SLC24A2: variants seen among roughly 807,000 people sequenced by gnomAD.
The protein encoded by SLC24A2 is solute carrier family 24 member 2.
Under a neutral mutation model 62.0 loss-of-function variants are expected in SLC24A2, and 36 were observed. That is an observed-to-expected ratio of 0.58 (90% confidence interval 0.44 to 0.77). The LOEUF is 0.77. Ranked by LOEUF, SLC24A2 falls within the 30% of genes least tolerant of loss-of-function variation. SLC24A2 has a pLI of 0.00. For synonymous variants in SLC24A2, 358 were observed against 294.0 expected (o/e 1.22, Z -2.23); for missense variants, 846 against 817.9 (o/e 1.03, Z -0.42).
At chr9:19,521,274 A>ATG (rs1268258927) in intron 9 of SLC24A2, among the ~76,000 whole-genome samples, 1 of 152,228 alleles carries the variant, frequency 6.6e-6, no homozygotes, top group Non-Finnish European at 1.5e-5. Context: ...TCACATGAAA[A>ATG]TTAAACAGAT....
intron 2 of SLC24A2, among the ~76,000 whole-genome samples, chr9:19,697,532 GTTCT>G (rs1353965559): frequency 1.3e-5 from 2 of 152,090 alleles, no homozygotes; most frequent in East Asian, 3.8e-4. Context: ...AAAAGTATCT[GTTCT>G]TTTTAATTGC....
chr9:19,594,619 G>T (rs1276551902), intron 5 of SLC24A2, among the ~76,000 whole-genome samples: 1 of 152,180 alleles, frequency 6.6e-6, no homozygotes, highest in African/African-American at 2.4e-5. Flanking sequence ...ACAAAGCCCT[G>T]CTCAAAAGCT....
the SLC24A2 span, among the ~76,000 whole-genome samples, chr9:20,307,026 C>T: frequency 2.7e-4 from 41 of 152,302 alleles, no homozygotes; most frequent in South Asian, 8.5e-3. Context: ...ACCCTCACAA[C>T]TTCTACCATA....
the SLC24A2 span, among the ~76,000 whole-genome samples, chr9:20,149,917 G>C: frequency 6.6e-6 from 1 of 152,032 alleles, no homozygotes; most frequent in African/African-American, 2.4e-5. Context: ...ACGGGTGATA[G>C]TCATTAGTGC....
the SLC24A2 span, among the ~76,000 whole-genome samples, chr9:20,004,596 A>G: frequency 6.6e-6 from 1 of 152,224 alleles, no homozygotes; most frequent in Non-Finnish European, 1.5e-5. Flanking sequence ...TTCACCATAT[A>G]CAGATGTAGT....
At chr9:20,128,560 C>T in the SLC24A2 span, among the ~76,000 whole-genome samples, 3 of 151,996 alleles carry the variant, frequency 2.0e-5, no homozygotes, top group African/African-American at 7.2e-5. Context: ...AAAGGGAGCC[C>T]AGAATTTTCA....
the SLC24A2 span, among the ~76,000 whole-genome samples, chr9:20,038,583 C>G: frequency 6.8e-6 from 1 of 147,002 alleles, no homozygotes; most frequent in Non-Finnish European, 1.5e-5. Context: ...CTCCCATCCT[C>G]TCCCTTTCTA....
chr9:20,134,262 G>C, the SLC24A2 span, among the ~76,000 whole-genome samples: 1 of 152,174 alleles, frequency 6.6e-6, no homozygotes, highest in African/African-American at 2.4e-5. Context: ...CTATTACAAA[G>C]ATAGATATAT....
At chr9:20,254,982 C>G in the SLC24A2 span, among the ~76,000 whole-genome samples, 1 of 152,098 alleles carries the variant, frequency 6.6e-6, no homozygotes, top group African/African-American at 2.4e-5. Flanking sequence ...GAGAACAGCA[C>G]AGGAAAAATC....
At chr9:19,550,390 G>A in intron 7 of SLC24A2, 122 bp from the exon 8 acceptor site, 1 of 933,980 alleles carries the variant, frequency 1.1e-6, no homozygotes, top group Non-Finnish European at 1.7e-6. Context: ...ACTCGTTCCA[G>A]TAGCTTCATA....
chr9:20,197,042 T>C, the SLC24A2 span, among the ~76,000 whole-genome samples: 1 of 152,248 alleles, frequency 6.6e-6, no homozygotes, highest in African/African-American at 2.4e-5. Flanking sequence ...CTTCTTCTAA[T>C]GTTGAACATT....
At chr9:19,610,407 T>C (rs16937659) in intron 4 of SLC24A2, among the ~76,000 whole-genome samples, 6,510 of 152,232 alleles carry the variant, frequency 0.043, 227 homozygotes, top group East Asian at 0.11. Flanking sequence ...GTTGCGATGA[T>C]AATTCTCTGA....
At chr9:19,881,891 G>A in the SLC24A2 span, among the ~76,000 whole-genome samples, 9 of 152,188 alleles carry the variant, frequency 5.9e-5, no homozygotes, top group Admixed American at 5.9e-4. Context: ...CCCATCCCCT[G>A]CTTTCTTCAT....
chr9:19,852,626 T>A, the SLC24A2 span, among the ~76,000 whole-genome samples: 2 of 152,136 alleles, frequency 1.3e-5, no homozygotes, highest in Admixed American at 1.3e-4. Context: ...TATCAGATGA[T>A]TGTAGATGTG....
At chr9:20,298,406 T>A in the SLC24A2 span, among the ~76,000 whole-genome samples, 9 of 152,154 alleles carry the variant, frequency 5.9e-5, no homozygotes, top group Non-Finnish European at 1.3e-4. Flanking sequence ...TTTTTATATT[T>A]TTAGTAGAGA....
chr9:19,673,012 G>C (rs994461406), intron 2 of SLC24A2, among the ~76,000 whole-genome samples: 3 of 146,490 alleles, frequency 2.0e-5, no homozygotes, highest in African/African-American at 5.4e-5. Context: ...ATATTCTGCA[G>C]TTGTTGGGTA....
At chr9:20,218,494 C>A in the SLC24A2 span, among the ~76,000 whole-genome samples, 1 of 152,116 alleles carries the variant, frequency 6.6e-6, no homozygotes, top group South Asian at 2.1e-4. Flanking sequence ...AGCACTAAAA[C>A]CCACCCTGGA....
At chr9:19,686,728 C>T (rs980665251) in intron 2 of SLC24A2, among the ~76,000 whole-genome samples, 1 of 152,118 alleles carries the variant, frequency 6.6e-6, no homozygotes, top group African/African-American at 2.4e-5. Context: ...CCAAGGCCTC[C>T]CCAGCCATGC....
At chr9:19,717,670 G>A (rs910957518) in intron 2 of SLC24A2, among the ~76,000 whole-genome samples, 1 of 152,156 alleles carries the variant, frequency 6.6e-6, no homozygotes, top group African/African-American at 2.4e-5. Context: ...CTGTTCACTT[G>A]TTCTGGGCCT....
Sources: allele counts gnomAD v4.1 joint callset (sites outside exome capture counted in the v4.1 genomes callset), GRCh38; gene constraint gnomAD v4.1.1; transcripts MANE v1.5; gene names NCBI Gene and HGNC (gene_info 2026-07-23, HGNC 2026-07-21).